The following ATN1 variants were observed in gnomAD, a reference collection of about 807,000 sequenced individuals.
ATN1 encodes the protein atrophin 1.
A neutral mutation model predicts 85.8 loss-of-function variants in ATN1; 19 were observed. That is an observed-to-expected ratio of 0.22 (90% confidence interval 0.15 to 0.32). The LOEUF (loss-of-function observed/expected upper bound fraction) is 0.32. Among genes scored for constraint, ATN1 ranks in the 10% least tolerant of loss-of-function variants. The probability of loss-of-function intolerance (pLI) is 1.00; values close to 1 mark genes in which losing one functional copy is unlikely to be tolerated. For missense variants in ATN1, 1,453 were observed against 1,564.5 expected, an observed-to-expected ratio of 0.93 and a Z score of 1.20; for synonymous variants, 674 against 657.0, an observed-to-expected ratio of 1.03 and a Z score of -0.39.
In ATN1 at chr12:6,941,052, C is replaced by G. The variant is rs1945627999; in HGVS notation, c.3358+29C>G. ...AGGATGGAAGTTGGGGTAGGCAGCT[C>G]CAATGAGAAAAGGGCAGAAAGGAGG... On this transcript the variant is annotated intron_variant, in intron 8 of 9. Coordinates refer to ENST00000396684, the MANE Select transcript of ATN1 (RefSeq NM_001940.4). This position sits in a 1 kb window ranked among gnomAD's most constrained non-coding sequence, Gnocchi z 5.9. 3.1e-6 allele frequency: 5 copies of G among 1,612,696 alleles called. No homozygotes were observed. In the Admixed American group the frequency reaches 8.3e-5, roughly 27 times the overall value.
At chr12:6,939,227 A>C in intron 7 of ATN1, 50 bp downstream of exon 7, 1 of 1,532,328 alleles carries the variant, frequency 6.5e-7, no homozygotes, top group South Asian at 1.2e-5. Flanking sequence ...CCTTCCCCCT[A>C]TCATGACTGG....
rs782233355 is a variant in ATN1, at chr12:6,935,914, A to C, written c.647A>C (p.His216Pro). ...FQAPPGAPPPHPQLYPGGTGG... is the reference protein window; with the variant it reads ...FQAPPGAPPPPPQLYPGGTGG... ...GCTCCTCCTGGGGCCCCTCCCCCTC[A>C]CCCACAGCTCTATCCTGGGGGCACT... is the stretch of plus-strand genomic sequence containing the variant. The change falls in exon 5 of 10, where the codon CAC (histidine) becomes CCC (proline). Residue 216 changes from histidine (H) to proline (P), a missense_variant. By Grantham distance (77) the His-to-Pro change is moderately conservative. Transcript: ENST00000396684. The surrounding 1 kb of genome is among the most constrained non-coding windows in gnomAD (Gnocchi z 5.3). 243 of 1,607,120 alleles carry C rather than the reference A, an allele frequency of 1.5e-4. No homozygotes were observed. The highest frequency in any genetic ancestry group is 1.9e-4 in the Non-Finnish European group (225 of 1,176,506).
chr12:6,937,569 G>A lies in ATN1; in HGVS notation c.2294+8G>A. The A allele has an allele frequency of 1.3e-6, 2 of 1,485,852 alleles. No homozygotes were observed. The highest frequency in any genetic ancestry group is 8.9e-7 in the Non-Finnish European group (1 of 1,118,738). The allele number at this position is 1,485,852 out of a possible 1,614,324, so 92.0% of individuals were successfully genotyped here. A position where few individuals can be genotyped will look rare whatever the true frequency, so the allele number is the denominator to read the frequency against. On this transcript the variant is annotated splice_region_variant and intron_variant, in intron 5 of 9. Transcript: ENST00000396684. The surrounding 1 kb of genome is among the most constrained non-coding windows in gnomAD (Gnocchi z 6.0). ...TGCCAGTCAGTCTGCCAGGTGAGCG[G>A]CCAGGTGGGGCGGAGGTGGGCCTGG... is the stretch of plus-strand genomic sequence containing the variant.
chr12:6,930,520 G>A (rs1565563428), intron 1 of ATN1, among the ~76,000 whole-genome samples: 1 of 152,236 alleles, frequency 6.6e-6, no homozygotes, highest in Non-Finnish European at 1.5e-5. Flanking sequence ...TAATGGCAGT[G>A]CGCAGTGGCT....
chr12:6,935,812 G>T lies in ATN1; in HGVS notation c.545G>T (p.Ser182Ile), dbSNP rs1565565579. The change falls in exon 5 of 10, where the codon AGC (serine) becomes ATC (isoleucine). Residue 182 changes from serine to isoleucine, a missense_variant. Physicochemically the swap from Ser to Ile is moderately radical, Grantham distance 142 (BLOSUM62 -2). Around this residue, in one of 6 missense-constraint regions of ATN1, gnomAD observed 990 missense variants for 914.8 expected, o/e 1.08. Transcript: ENST00000396684. The surrounding 1 kb of genome is among the most constrained non-coding windows in gnomAD (Gnocchi z 5.3). Reference sequence around the variant, plus strand: ...AGCACCCCTCGACAGCCAGAGGCTAGCTTTGAACCCCATCCTTCTGTGACA... The same window carrying T: ...AGCACCCCTCGACAGCCAGAGGCTATCTTTGAACCCCATCCTTCTGTGACA... ...PDSTPRQPEA[S>I]FEPHPSVTPT... is the part of the protein sequence containing the mutation. 1 of 1,613,818 alleles carries T rather than the reference G, an allele frequency of 6.2e-7. No individual in the cohort carries two copies. Among genetic ancestry groups the T allele is most frequent in the Non-Finnish European group, 8.5e-7 (1 of 1,179,858 alleles).
chr12:6,932,020 G>A (rs1945472533), intron 1 of ATN1, among the ~76,000 whole-genome samples: 1 of 115,064 alleles, frequency 8.7e-6, no homozygotes, highest in African/African-American at 3.4e-5. Context: ...GGCAACAAGA[G>A]TGAAACTCTG....
Position 6,936,102 on chromosome 12 carries a change from C to T in ATN1, c.835C>T (p.Pro279Ser). Residue 279 changes from proline to serine, a missense_variant, in exon 5 of 10, where the codon CCA becomes TCA. Around this residue, in one of 6 missense-constraint regions of ATN1, gnomAD observed 990 missense variants for 914.8 expected, o/e 1.08. Coordinates refer to ENST00000396684, the MANE Select transcript of ATN1 (RefSeq NM_001940.4). ...GAPPTKPPTT[P>S]VGGGNLPSAP... ...TCCCCCAACAAAGCCGCCTACCACT[C>T]CAGTGGGTGGTGGGAACCTACCTTC... 3.9e-6 allele frequency: 6 copies of T among 1,529,092 alleles called. No homozygotes were observed. The highest frequency in any genetic ancestry group is 4.4e-6 in the Non-Finnish European group (5 of 1,139,448). 94.7% of individuals were successfully genotyped at this position (1,529,092 alleles called of 1,614,324 possible).
rs782061811 is a variant in ATN1 at position 6,935,943 on chromosome 12, G to A, written c.676G>A (p.Gly226Arg). Reference protein sequence around the residue: ...HPQLYPGGTGGVLSGPPMGPK... With the variant: ...HPQLYPGGTGRVLSGPPMGPK... ...ACAGCTCTATCCTGGGGGCACTGGT[G>A]GAGTTTTGTCTGGACCCCCAATGGG... Residue 226 changes from glycine (G) to arginine (R), a missense_variant, in exon 5 of 10, where the codon GGA becomes AGA. This residue lies in a region of ATN1 where 990 missense variants were observed against 914.8 expected (regional missense o/e 1.08). Transcript: ENST00000396684. The surrounding 1 kb of genome is among the most constrained non-coding windows in gnomAD (Gnocchi z 5.3). 4.4e-6 allele frequency: 7 copies of A among 1,596,138 alleles called. No homozygotes were observed. The South Asian group carries it at 5.6e-5, about 13-fold the overall frequency.
At chr12:6,932,089 TG>T (rs1945474142) in intron 1 of ATN1, among the ~76,000 whole-genome samples, 1 of 149,508 alleles carries the variant, frequency 6.7e-6, no homozygotes, top group South Asian at 2.1e-4. Flanking sequence ...GAGCATCAGT[TG>T]AAAGTTCAGA....
intron 1 of ATN1, among the ~76,000 whole-genome samples, chr12:6,930,763 G>A (rs926855657): frequency 1.3e-5 from 2 of 151,964 alleles, no homozygotes; most frequent in African/African-American, 2.4e-5. Flanking sequence ...ATCGCGGCAC[G>A]GCACTCCAGC....
Position 6,938,656 on chromosome 12 carries a change from G to T in ATN1, c.2693G>T (p.Gly898Val), listed in dbSNP as rs1555144241. 1.2e-6 allele frequency: 2 copies of T among 1,614,194 alleles called. No homozygotes were observed. The highest frequency in any genetic ancestry group is 1.7e-5 in the Admixed American group (1 of 60,032). ...GCCCGGCCTCATGTCATGTCTCCTG[G>T]CAATCGCAACCATCCATTCTACGTG... is the stretch of plus-strand genomic sequence containing the variant. Reference protein sequence around the residue: ...EYARPHVMSPGNRNHPFYVPL... With the variant: ...EYARPHVMSPVNRNHPFYVPL... The change falls in exon 7 of 10, where the codon GGC becomes GTC. Residue 898 changes from glycine to valine, a missense_variant. Transcript: ENST00000396684.
chr12:6,937,393 C>A lies in ATN1; in HGVS notation c.2126C>A (p.Pro709Gln). Residue 709 changes from proline (P) to glutamine (Q), a missense_variant, in exon 5 of 10, where the codon CCA (proline) becomes CAA (glutamine). Coordinates refer to ENST00000396684, the MANE Select transcript of ATN1 (RefSeq NM_001940.4). This position sits in a 1 kb window ranked among gnomAD's most constrained non-coding sequence, Gnocchi z 6.0. ...PAGPSGLPSL[P>Q]PPPAAPASGP... ...GGGCCCTCAGGCCTGCCATCGCTGC[C>A]ACCACCACCTGCGGCCCCTGCCTCA... The A allele has an allele frequency of 6.5e-7, 1 of 1,549,038 alleles. No homozygotes were observed.
chr12:6,940,048 C>G (rs1177319719), intron 7 of ATN1, among the ~76,000 whole-genome samples: 1 of 152,242 alleles, frequency 6.6e-6, no homozygotes, highest in Non-Finnish European at 1.5e-5. Context: ...GTGGCGCGAT[C>G]TCGGCTTACT....
Position 6,938,024 on chromosome 12 carries a change from A to T in ATN1, c.2474A>T (p.Lys825Ile). The change falls in exon 6 of 10, where the codon AAA (lysine) becomes ATA (isoleucine). Residue 825 changes from lysine (K) to isoleucine (I), a missense_variant. Lys to Ile is a moderately radical substitution (Grantham distance 102). Transcript: ENST00000396684. ...KERERERERE[K>I]EREREKEREL... ...CGCGAGCGCGAGCGGGAACGCGAGA[A>T]AGAGCGCGAGCGCGAGAAGGAGCGC... 1 of 1,546,480 alleles carries T rather than the reference A, an allele frequency of 6.5e-7. No individual in the cohort carries two copies. Among genetic ancestry groups the T allele is most frequent in the South Asian group, 1.2e-5 (1 of 83,924 alleles).
At chr12:6,926,596 CTG>C (rs1945401254), upstream of ATN1, among the ~76,000 whole-genome samples, 2 of 151,942 alleles carry the variant, frequency 1.3e-5, no homozygotes, top group African/African-American at 2.4e-5. Flanking sequence ...GCCTCAGCCT[CTG>C]AGTAGCTGGG....
At position 6,937,494 on chromosome 12, in the gene ATN1, C is replaced by G. The variant is rs782678269; in HGVS notation, c.2227C>G (p.Pro743Ala). The change falls in exon 5 of 10, where the codon CCA becomes GCA. Residue 743 changes from proline to alanine, a missense_variant. Physicochemically the swap from Pro to Ala is conservative, Grantham distance 27. Transcript: ENST00000396684. This position sits in a 1 kb window ranked among gnomAD's most constrained non-coding sequence, Gnocchi z 6.0. ...TGAGACCCCCGAGAGCCCGGTGCCC[C>G]CAGCCCGCAGCCCCTCGCCCCCTCC... ...EYETPESPVPPARSPSPPPKV... is the reference protein window; with the variant it reads ...EYETPESPVPAARSPSPPPKV... 3.5e-5 allele frequency: 54 copies of G among 1,545,246 alleles called. No individual in the cohort carries two copies. In the African/African-American group the frequency reaches 4.4e-4, roughly 13 times the overall value.
In ATN1 at chr12:6,935,630, T is replaced by G. The variant is rs1555143454; in HGVS notation, c.363T>G (p.Pro121=). 1 of 1,613,908 alleles carries G rather than the reference T, an allele frequency of 6.2e-7. No homozygotes were observed. The highest frequency in any genetic ancestry group is 2.2e-5 in the East Asian group (1 of 44,872). Residue 121 remains proline, a synonymous_variant, in exon 5 of 10, where the codon CCT becomes CCG. Transcript: ENST00000396684. This position sits in a 1 kb window ranked among gnomAD's most constrained non-coding sequence, Gnocchi z 5.3. The part of the protein sequence containing the change: ...RSLNDDGSSD[P]RDIDQDNRST... Reference sequence around the variant, plus strand: ...TTAATGATGATGGCAGCAGCGACCCTAGGGATATCGACCAGGACAACCGAA... The same window carrying G: ...TTAATGATGATGGCAGCAGCGACCCGAGGGATATCGACCAGGACAACCGAA...
chr12:6,940,877 C>T lies in ATN1; in HGVS notation c.3215-3C>T. On this transcript the variant is annotated splice_region_variant and splice_polypyrimidine_tract_variant and intron_variant, in intron 7 of 9. Transcript: ENST00000396684. ...TGACACCTTCCTCTTCTCTGCCCTC[C>T]AGCCTCTGCCTCGGTGCACCCTCTC... 3 of 1,614,214 alleles carry T rather than the reference C, an allele frequency of 1.9e-6. No individual in the cohort carries two copies. The highest frequency in any genetic ancestry group is 1.7e-6 in the Non-Finnish European group (2 of 1,180,040).
chr12:6,939,497 C>T (rs1456500877), intron 7 of ATN1, among the ~76,000 whole-genome samples: 3 of 152,164 alleles, frequency 2.0e-5, no homozygotes, highest in Non-Finnish European at 2.9e-5. Context: ...CCTTCACAAA[C>T]CTGTCTTCTT....
Sources: allele counts gnomAD v4.1 joint callset (sites outside exome capture counted in the v4.1 genomes callset), GRCh38; gene constraint gnomAD v4.1.1; regional missense constraint gnomAD v4.1.1; non-coding constraint Gnocchi (gnomAD v3.1); transcripts MANE v1.5; gene names NCBI Gene and HGNC (gene_info 2026-07-23, HGNC 2026-07-21).